RXRA: variants seen among roughly 807,000 people sequenced by gnomAD.
The protein encoded by RXRA is retinoic acid receptor RXR-alpha.
RXRA carries 5 observed loss-of-function variants against 44.5 expected under a neutral mutation model. The ratio of observed to expected loss-of-function variants is 0.11; its 90% CI spans 0.06 to 0.24. RXRA has a LOEUF of 0.24. Among genes scored for constraint, RXRA ranks in the 10% least tolerant of loss-of-function variants. The probability of loss-of-function intolerance (pLI) is 1.00; values close to 1 mark genes in which losing one functional copy is unlikely to be tolerated. For synonymous variants in RXRA, 291 were observed against 271.4 expected, an observed-to-expected ratio of 1.07 and a Z score of -0.71; for missense variants, 412 against 646.5, an observed-to-expected ratio of 0.64 and a Z score of 3.93.
intron 1 of RXRA, among the ~76,000 whole-genome samples, chr9:134,364,478 G>C (rs1422740583): frequency 1.3e-5 from 2 of 152,246 alleles, no homozygotes; most frequent in Non-Finnish European, 2.9e-5. Context: ...GCTGTCATGG[G>C]CTCTGTGTTT....
At position 134,365,236 on chromosome 9, in the gene RXRA, G is replaced by A. The variant is rs1226159045; in HGVS notation, c.29-36396G>A. 2.0e-5 allele frequency among the ~76,000 whole-genome samples: 3 copies of A among 152,344 alleles called. No homozygotes were observed. The highest frequency in any genetic ancestry group is 2.0e-4 in the Admixed American group (3 of 15,308). On this transcript the variant is annotated intron_variant, in intron 1 of 9. Transcript: ENST00000481739. The surrounding 1 kb of genome is among the most constrained non-coding windows in gnomAD (Gnocchi z 4.0). ...GTTCTCTTGAGGGCCCCTGTCTTACGGATGAGGAGATAGAGGTTGAGGATC... is the reference window on the plus strand; with the variant it reads ...GTTCTCTTGAGGGCCCCTGTCTTACAGATGAGGAGATAGAGGTTGAGGATC...
chr9:134,384,653 A>G (rs1429798371), intron 1 of RXRA, among the ~76,000 whole-genome samples: 1 of 152,116 alleles, frequency 6.6e-6, no homozygotes, highest in African/African-American at 2.4e-5. Context: ...AGCTGGAGGA[A>G]GAGGCTGCGG....
intron 1 of RXRA, among the ~76,000 whole-genome samples, chr9:134,393,433 A>G (rs1830828945): frequency 6.6e-6 from 1 of 152,198 alleles, no homozygotes; most frequent in Non-Finnish European, 1.5e-5. Flanking sequence ...ATGGTGGTTC[A>G]GGCAGCCTGG....
chr9:134,403,852 G>A (rs1831004931), intron 2 of RXRA: 1 of 152,342 alleles, frequency 6.6e-6, no homozygotes, highest in African/African-American at 2.4e-5. Flanking sequence ...GGGTGGGTGT[G>A]GGTGAGGAGC....
rs1831572846 is a variant in RXRA at position 134,433,925 on chromosome 9, C to T, written c.1136-177C>T. Among the ~76,000 whole-genome samples, 1 of 151,940 alleles carries T rather than the reference C, an allele frequency of 6.6e-6. No homozygotes were observed. The highest frequency in any genetic ancestry group is 2.4e-5 in the African/African-American group (1 of 41,370). On this transcript the variant is annotated intron_variant, in intron 8 of 9. Transcript: ENST00000481739. The surrounding 1 kb of genome is among the most constrained non-coding windows in gnomAD (Gnocchi z 4.2). ...GCCTGGCCGTGGGTTCCACAGTCGT[C>T]CCCCTGCCACCAGGCTCTGGGGGAG...
chr9:134,349,997 T>A lies in RXRA; in HGVS notation c.28+23338T>A, dbSNP rs1306053222. Reference sequence around the variant, plus strand: ...ACCCCTTCCCCAAGCCCAGGACCCCTGATTCATGCCTCTTTCCAGAGCACT... The same window carrying A: ...ACCCCTTCCCCAAGCCCAGGACCCCAGATTCATGCCTCTTTCCAGAGCACT... On this transcript the variant is annotated intron_variant, in intron 1 of 9. Transcript: ENST00000481739. This position sits in a 1 kb window ranked among gnomAD's most constrained non-coding sequence, Gnocchi z 4.3. 6.6e-6 allele frequency among the ~76,000 whole-genome samples: 1 copy of A among 151,830 alleles called. No homozygotes were observed. The highest frequency in any genetic ancestry group is 1.5e-5 in the Non-Finnish European group (1 of 67,940).
rs376815950 is a variant in RXRA at position 134,367,053 on chromosome 9, G to A, written c.29-34579G>A. Among the ~76,000 whole-genome samples, 35 of 152,208 alleles carry A rather than the reference G, an allele frequency of 2.3e-4. No individual in the cohort carries two copies. In the East Asian group the frequency reaches 3.7e-3, roughly 16 times the overall value. ...TTGGTTGAGATACGGGTCACCTCCC[G>A]TAACAGTCATCTTTTTAAGGCGTGC... is the stretch of plus-strand genomic sequence containing the variant. On this transcript the variant is annotated intron_variant, in intron 1 of 9. Coordinates refer to ENST00000481739, the MANE Select transcript of RXRA (RefSeq NM_002957.6).
At chr9:134,391,759 C>CAG (rs1830803321) in intron 1 of RXRA, among the ~76,000 whole-genome samples, 2 of 152,208 alleles carry the variant, frequency 1.3e-5, no homozygotes, top group Non-Finnish European at 2.9e-5. Flanking sequence ...TGTCTGGCCA[C>CAG]CCTGGTGGTC....
At chr9:134,373,470 C>A (rs1310548690) in intron 1 of RXRA, among the ~76,000 whole-genome samples, 3 of 152,264 alleles carry the variant, frequency 2.0e-5, no homozygotes, top group Non-Finnish European at 2.9e-5. Flanking sequence ...GATGAGAATA[C>A]TGCGGCCCAG....
intron 2 of RXRA, chr9:134,405,202 GGAA>G (rs1204468501): frequency 1.3e-5 from 2 of 152,320 alleles, no homozygotes; most frequent in Admixed American, 1.3e-4. Flanking sequence ...CTGGAAGGGC[GGAA>G]GAACGCCCGC....
chr9:134,379,290 A>G (rs1019774063), intron 1 of RXRA: 5 of 986,410 alleles, frequency 5.1e-6, no homozygotes, highest in African/African-American at 3.5e-5. Flanking sequence ...GCTGTTGCCG[A>G]GGGCACAGAT....
intron 1 of RXRA, among the ~76,000 whole-genome samples, chr9:134,355,983 G>A (rs897900792): frequency 6.6e-6 from 1 of 152,166 alleles, no homozygotes; most frequent in Admixed American, 6.5e-5. Context: ...CCCTGCCCTC[G>A]GGATGGCCGC....
chr9:134,435,622 C>T lies in RXRA; in HGVS notation c.1242-845C>T, dbSNP rs1212651836. Reference sequence around the variant, plus strand: ...CTGATGCTTTATGGAAAGGGTCTTGCACCGTTACACAGCTCCCAAGTCAGG... The same window carrying T: ...CTGATGCTTTATGGAAAGGGTCTTGTACCGTTACACAGCTCCCAAGTCAGG... On this transcript the variant is annotated intron_variant, in intron 9 of 9. Coordinates refer to ENST00000481739, the MANE Select transcript of RXRA (RefSeq NM_002957.6). Among the ~76,000 whole-genome samples the T allele has an allele frequency of 2.0e-5, 3 of 152,178 alleles. No individual in the cohort carries two copies. In the East Asian group the frequency reaches 5.8e-4, roughly 29 times the overall value.
intron 1 of RXRA, among the ~76,000 whole-genome samples, chr9:134,389,427 C>T (rs190443037): frequency 1.3e-5 from 2 of 152,016 alleles, no homozygotes; most frequent in East Asian, 3.9e-4. Context: ...CGCCTCTGTC[C>T]CGGGCTGGGG....
At chr9:134,428,764 C>A (rs181156759) in intron 6 of RXRA, among the ~76,000 whole-genome samples, 2 of 152,316 alleles carry the variant, frequency 1.3e-5, no homozygotes, top group East Asian at 3.9e-4. Context: ...TGGGGCCATC[C>A]TGGGAACATC....
intron 1 of RXRA, among the ~76,000 whole-genome samples, chr9:134,338,838 G>T (rs782010580): frequency 6.6e-6 from 1 of 152,170 alleles, no homozygotes; most frequent in African/African-American, 2.4e-5. Context: ...AGTCTCCAGG[G>T]TCCCCCAGAG....
intron 1 of RXRA, among the ~76,000 whole-genome samples, chr9:134,367,635 G>C (rs1475022866): frequency 1.3e-5 from 2 of 152,230 alleles, no homozygotes; most frequent in African/African-American, 4.8e-5. Context: ...GGGGAGTGTG[G>C]GGTGGGCTTC....
At chr9:134,401,956 G>A (rs573647040) in intron 2 of RXRA, 74 bp downstream of exon 2, 352 of 1,259,186 alleles carry the variant, frequency 2.8e-4, no homozygotes, top group South Asian at 5.2e-4. Context: ...CAGGACGACC[G>A]CCTCATCTTG....
Position 134,407,352 on chromosome 9 carries a change from C to G in RXRA, c.280-797C>G, listed in dbSNP as rs966707717. Reference sequence around the variant, plus strand: ...GGGGGCTGCCTGGCCAAGCGCTTACCGCCCTGCGCAGCCAGGCTGGCTGGC... The same window carrying G: ...GGGGGCTGCCTGGCCAAGCGCTTACGGCCCTGCGCAGCCAGGCTGGCTGGC... On this transcript the variant is annotated intron_variant, in intron 2 of 9. Transcript: ENST00000481739. The surrounding 1 kb of genome is among the most constrained non-coding windows in gnomAD (Gnocchi z 4.8). Among the ~76,000 whole-genome samples the G allele has an allele frequency of 6.6e-6, 1 of 152,196 alleles. No individual in the cohort carries two copies. The highest frequency in any genetic ancestry group is 2.4e-5 in the African/African-American group (1 of 41,452).
Sources: allele counts gnomAD v4.1 joint callset (sites outside exome capture counted in the v4.1 genomes callset), GRCh38; gene constraint gnomAD v4.1.1; non-coding constraint Gnocchi (gnomAD v3.1); transcripts MANE v1.5; gene names NCBI Gene and HGNC (gene_info 2026-07-23, HGNC 2026-07-21).